CWF19L1: variants seen among roughly 807,000 people sequenced by gnomAD.
CWF19L1 encodes the protein CWF19-like protein 1.
CWF19L1 carries 60 observed loss-of-function variants against 69.7 expected under a neutral mutation model. That is an observed-to-expected ratio of 0.86 (90% CI 0.70 to 1.07). The LOEUF is 1.07. CWF19L1 is among the 50% of genes least tolerant of loss of function. CWF19L1 has a pLI of 0.00. For synonymous variants in CWF19L1, 209 were observed against 222.2 expected (o/e 0.94, Z 0.53); for missense variants, 591 against 638.9 (o/e 0.92, Z 0.81).
intron 11 of CWF19L1, chr10:100,237,405 A>C: frequency 2.5e-6 from 1 of 393,348 alleles, no homozygotes; most frequent in Non-Finnish European, 5.0e-6. Flanking sequence ...TCCACACAAA[A>C]TACTCACTTT....
chr10:100,234,899 G>C (rs1484675444), intron 13 of CWF19L1, among the ~76,000 whole-genome samples: 1 of 152,146 alleles, frequency 6.6e-6, no homozygotes, highest in African/African-American at 2.4e-5. Flanking sequence ...AGAACACTGA[G>C]GTTAAGACCT....
chr10:100,256,707 G>C (rs781420945), intron 4 of CWF19L1, among the ~76,000 whole-genome samples: 2 of 152,148 alleles, frequency 1.3e-5, no homozygotes, highest in Non-Finnish European at 2.9e-5. Context: ...TGGAGCCCAC[G>C]GGCCAGTATG....
At chr10:100,242,669 A>G (rs1304468883) in intron 10 of CWF19L1, among the ~76,000 whole-genome samples, 9 of 133,602 alleles carry the variant, frequency 6.7e-5, no homozygotes, top group African/African-American at 2.9e-4. Flanking sequence ...GCGAGACTCC[A>G]TCTCAAAAAA....
At chr10:100,248,265 C>T (rs1846896259) in intron 7 of CWF19L1, 2 of 1,287,760 alleles carry the variant, frequency 1.6e-6, no homozygotes, top group African/African-American at 1.5e-5. Flanking sequence ...GAAAACATGG[C>T]TGCCAAAGTG....
chr10:100,236,016 G>A (rs544847066), intron 12 of CWF19L1, among the ~76,000 whole-genome samples: 1 of 151,822 alleles, frequency 6.6e-6, no homozygotes, highest in South Asian at 2.1e-4. Context: ...CTCTTCCCAG[G>A]AAAGCACTAA....
At chr10:100,266,680 T>TG (rs1336077014) in intron 1 of CWF19L1, among the ~76,000 whole-genome samples, 1 of 138,658 alleles carries the variant, frequency 7.2e-6, no homozygotes, top group Non-Finnish European at 1.5e-5. Flanking sequence ...CACGCCTGGC[T>TG]AATTTTTTTT....
chr10:100,259,551 C>T (rs1847324505), intron 4 of CWF19L1, among the ~76,000 whole-genome samples: 1 of 152,152 alleles, frequency 6.6e-6, no homozygotes, highest in Non-Finnish European at 1.5e-5. Flanking sequence ...AAGCCACATA[C>T]ATGAAATTTC....
At chr10:100,238,573 T>C (rs1846530774) in intron 10 of CWF19L1, among the ~76,000 whole-genome samples, 1 of 152,112 alleles carries the variant, frequency 6.6e-6, no homozygotes, top group African/African-American at 2.4e-5. Flanking sequence ...TGCTCCAAAC[T>C]TGAAAACAGT....
chr10:100,249,230 C>T (rs921751411), intron 7 of CWF19L1: 9 of 242,668 alleles, frequency 3.7e-5, no homozygotes, highest in African/African-American at 1.8e-4. Flanking sequence ...CAGATCCGCC[C>T]CCTCCCCCAA....
rs778313729 is a variant in CWF19L1, at chr10:100,245,839, A to G, written c.924T>C (p.Asp308=). 7 of 1,614,216 alleles carry G rather than the reference A, an allele frequency of 4.3e-6. No individual in the cohort carries two copies. Among genetic ancestry groups the G allele is most frequent in the Non-Finnish European group, 5.9e-6 (7 of 1,180,012 alleles). The change falls in exon 9 of 14, where the codon GAT becomes GAC. Residue 308 remains aspartate, a synonymous_variant. Coordinates refer to ENST00000354105, the MANE Select transcript of CWF19L1 (RefSeq NM_018294.6). The part of the protein sequence containing the change: ...QGRKRSSTGR[D]SKSSPHPKQP... Reference sequence around the variant, plus strand: ...GCTTTGGATGAGGAGAAGATTTGCTATCTCTACCTGTGGATGAACGCTTCC... The same window carrying G: ...GCTTTGGATGAGGAGAAGATTTGCTGTCTCTACCTGTGGATGAACGCTTCC...
chr10:100,267,637 A>G lies in CWF19L1; in HGVS notation c.-44T>C. Reference sequence around the variant, plus strand: ...TTGCGACTGCCACCTAAAATTGGGAATGCGAATCCGCGCTCCCCGGAAAAA... The same window carrying G: ...TTGCGACTGCCACCTAAAATTGGGAGTGCGAATCCGCGCTCCCCGGAAAAA... On this transcript the variant is annotated 5_prime_UTR_variant, in exon 1 of 14. Coordinates refer to ENST00000354105, the MANE Select transcript of CWF19L1 (RefSeq NM_018294.6). 6.2e-7 allele frequency: 1 copy of G among 1,612,882 alleles called. No homozygotes were observed. The highest frequency in any genetic ancestry group is 8.5e-7 in the Non-Finnish European group (1 of 1,178,848).
At chr10:100,237,924 C>T (rs1410651505) in intron 11 of CWF19L1, 98 bp downstream of exon 11, 2 of 1,173,174 alleles carry the variant, frequency 1.7e-6, no homozygotes, top group South Asian at 1.3e-5. Flanking sequence ...GCTAGGATTA[C>T]AGGCGTGAGC....
chr10:100,265,569 G>A (rs1240942032), intron 1 of CWF19L1, among the ~76,000 whole-genome samples: 1 of 147,780 alleles, frequency 6.8e-6, no homozygotes, highest in East Asian at 2.0e-4. Flanking sequence ...CGCCCAGGCT[G>A]GAGTGCAGTG....
At chr10:100,256,686 G>A (rs976501150) in intron 4 of CWF19L1, among the ~76,000 whole-genome samples, 3 of 152,146 alleles carry the variant, frequency 2.0e-5, no homozygotes, top group Non-Finnish European at 2.9e-5. Flanking sequence ...ACAGCCCTAC[G>A]TGGAGGCTGC....
intron 12 of CWF19L1, among the ~76,000 whole-genome samples, 181 bp downstream of exon 12, chr10:100,236,669 C>T (rs568895181): frequency 7.2e-5 from 11 of 152,170 alleles, no homozygotes; most frequent in Non-Finnish European, 7.3e-5. Context: ...ACTGGGGAGG[C>T]TGAGGCAGGA....
Position 100,249,027 on chromosome 10 carries a change from C to T in CWF19L1, c.708+1221G>A, listed in dbSNP as rs1316176026. 3 of 605,448 alleles carry T rather than the reference C, an allele frequency of 5.0e-6. No homozygotes were observed. The African/African-American group carries it at 5.5e-5, about 11-fold the overall frequency. 37.5% of individuals were successfully genotyped at this position (605,448 alleles called of 1,614,324 possible). A position where few individuals can be genotyped will look rare whatever the true frequency, so the allele number is the denominator to read the frequency against. ...TCCAGCTCTTATACTCTGGGAACAT[C>T]AGCTCCCTGCCAGCGGGGCAGTCCA... On this transcript the variant is annotated intron_variant, in intron 7 of 13. Coordinates refer to ENST00000354105, the MANE Select transcript of CWF19L1 (RefSeq NM_018294.6).
intron 4 of CWF19L1, among the ~76,000 whole-genome samples, chr10:100,257,438 T>C (rs956069613): frequency 6.6e-6 from 1 of 151,902 alleles, no homozygotes; most frequent in African/African-American, 2.4e-5. Flanking sequence ...TAGCTGGGAC[T>C]ACAGGTGACC....
intron 11 of CWF19L1, chr10:100,237,281 C>G (rs201822883): frequency 3.6e-6 from 2 of 554,876 alleles, no homozygotes; most frequent in African/African-American, 3.8e-5. Flanking sequence ...ACAAATGTGC[C>G]AAAAAGAAAA....
intron 10 of CWF19L1, among the ~76,000 whole-genome samples, chr10:100,241,596 AC>A: frequency 6.6e-6 from 1 of 152,354 alleles, no homozygotes; most frequent in South Asian, 2.1e-4. Flanking sequence ...ATAATAGAAT[AC>A]CACAGACTAT....
Sources: gnomAD v4.1 joint callset for allele counts (sites outside exome capture counted in the v4.1 genomes callset) on GRCh38, gnomAD v4.1.1 for gene constraint, MANE v1.5 for transcripts, NCBI Gene and HGNC (gene_info 2026-07-23, HGNC 2026-07-21) for gene names.